Variants in DST observed in about 807,000 individuals in gnomAD.
DST encodes bullous pemphigoid antigen.
Under a neutral mutation model 875.2 loss-of-function variants are expected in DST, and 253 were observed. The ratio of observed to expected loss-of-function variants is 0.29; its 90% CI spans 0.26 to 0.32. The LOEUF is 0.32. Among genes scored for constraint, DST ranks in the 10% least tolerant of loss-of-function variants. The pLI is 1.00. For synonymous variants in DST, 3,124 were observed against 3,197.1 expected (o/e 0.98, Z 0.77); for missense variants, 8,287 against 9,111.6 (o/e 0.91, Z 3.68).
At chr6:56,486,679 T>A (rs1037295142) in intron 87 of DST, among the ~76,000 whole-genome samples, 2 of 152,104 alleles carry the variant, frequency 1.3e-5, no homozygotes, top group Non-Finnish European at 2.9e-5. Flanking sequence ...ACCTTGCACG[T>A]CACATTAAGA....
intron 90 of DST, among the ~76,000 whole-genome samples, chr6:56,478,985 C>G (rs920491169): frequency 2.0e-5 from 3 of 151,990 alleles, no homozygotes; most frequent in Non-Finnish European, 4.4e-5. Flanking sequence ...AACAGTTAAC[C>G]TACAGAATGG....
chr6:56,807,549 G>A (rs1389532582), intron 4 of DST, among the ~76,000 whole-genome samples: 1 of 152,134 alleles, frequency 6.6e-6, no homozygotes, highest in Non-Finnish European at 1.5e-5. Context: ...AAACACACGG[G>A]TCAATGGAAC....
chr6:56,640,091 A>C, intron 18 of DST, 34 bp from the exon 19 acceptor site: 1 of 1,613,814 alleles, frequency 6.2e-7, no homozygotes, highest in Non-Finnish European at 8.5e-7. Flanking sequence ...TTAAAAAAGA[A>C]ATTGATAACA....
At chr6:56,619,379 T>C in intron 36 of DST, 1 of 1,613,628 alleles carries the variant, frequency 6.2e-7, no homozygotes, top group Non-Finnish European at 8.5e-7. Flanking sequence ...GATTTTATCA[T>C]TATTTTCTTT....
chr6:56,481,407 T>C (rs748205815), intron 90 of DST, among the ~76,000 whole-genome samples: 7 of 152,226 alleles, frequency 4.6e-5, no homozygotes, highest in East Asian at 1.9e-4. Flanking sequence ...GCAAGTTTCA[T>C]GCATTGCCGC....
At chr6:56,687,784 TA>T (rs55759800) in intron 9 of DST, among the ~76,000 whole-genome samples, 24,043 of 140,562 alleles carry the variant, frequency 0.17, 2,225 homozygotes, top group Non-Finnish European at 0.24. Flanking sequence ...GCTTCCAAGT[TA>T]AAAAAAAAAA....
chr6:56,924,232 C>T (rs1056522174), intron 2 of DST, among the ~76,000 whole-genome samples: 2 of 152,100 alleles, frequency 1.3e-5, no homozygotes, highest in East Asian at 3.9e-4. Flanking sequence ...ATAGTGCTTG[C>T]CAAAATTCAT....
rs1554721700 is a variant in DST at position 56,763,724 on chromosome 6, C to CAT, written c.626-28437_626-28436dup. Among the ~76,000 whole-genome samples, 1,125 of 143,558 alleles carry CAT rather than the reference C, an allele frequency of 7.8e-3. 21 individuals are homozygous for CAT. The highest frequency in any genetic ancestry group is 0.027 in the African/African-American group (1,063 of 39,184). The allele number at this position is 143,558 out of a possible 152,430, so 94.2% of individuals were successfully genotyped here. Reference sequence around the variant, plus strand: ...ACACACACACACACACACACACACACATATAGGGATGGGTGGGGGTGGGGG... The same window carrying CAT: ...ACACACACACACACACACACACACACATATATAGGGATGGGTGGGGGTGGGGG... On this transcript the variant is annotated intron_variant, in intron 4 of 103. Transcript: ENST00000680361.
intron 49 of DST, among the ~76,000 whole-genome samples, chr6:56,588,827 G>A (rs1304781905): frequency 6.6e-6 from 1 of 152,086 alleles, no homozygotes; most frequent in Non-Finnish European, 1.5e-5. Flanking sequence ...ACCAACATAG[G>A]ATCTAGAATA....
rs776305444 is a variant in DST at position 56,629,267 on chromosome 6, A to G, written c.4458T>C (p.His1486=). 4 of 1,613,764 alleles carry G rather than the reference A, an allele frequency of 2.5e-6. No homozygotes were observed. The highest frequency in any genetic ancestry group is 2.2e-5 in the East Asian group (1 of 44,788). Reference sequence around the variant, plus strand: ...ATACTAACCTGTTGTCAATCTGCACATGAACATTTTGCCACCTTTCAACTA... The same window carrying G: ...ATACTAACCTGTTGTCAATCTGCACGTGAACATTTTGCCACCTTTCAACTA... ...DQLVERWQNV[H]VQIDNRLRDL... is the part of the protein sequence containing the mutation. Residue 1486 remains histidine (H), a synonymous_variant, in exon 32 of 104, where the codon CAT becomes CAC. Coordinates refer to ENST00000680361, the MANE Select transcript of DST (RefSeq NM_001374736.1).
chr6:56,608,919 G>A lies in DST; in HGVS notation c.5709C>T (p.Ser1903=). The A allele has an allele frequency of 6.2e-7, 1 of 1,613,756 alleles. No homozygotes were observed. Among genetic ancestry groups the A allele is most frequent in the East Asian group, 2.2e-5 (1 of 44,870 alleles). Residue 1903 remains serine (S), a synonymous_variant, in exon 40 of 104, where the codon TCC becomes TCT. Coordinates refer to ENST00000680361, the MANE Select transcript of DST (RefSeq NM_001374736.1). The part of the protein sequence containing the change: ...LQKAFQQNLV[S]SALFSKVLER... Reference sequence around the variant, plus strand: ...CCAGAACTTTAGAAAATAATGCTGAGGAAACCAAGTTCTGTTGGAAAGCCT... The same window carrying A: ...CCAGAACTTTAGAAAATAATGCTGAAGAAACCAAGTTCTGTTGGAAAGCCT...
intron 78 of DST, among the ~76,000 whole-genome samples, 187 bp from the exon 79 acceptor site, chr6:56,501,880 C>CT (rs1466384013): frequency 6.6e-6 from 1 of 152,024 alleles, no homozygotes; most frequent in Non-Finnish European, 1.5e-5. Context: ...AAAATATTTT[C>CT]TCTTTATTCA....
rs192210491 is a variant in DST, at chr6:56,602,112, T to A, written c.11308-436A>T. On this transcript the variant is annotated intron_variant, in intron 43 of 103. Transcript: ENST00000680361. ...AAATATGAATGAAATATGCCAGAAT[T>A]TCAGTTTTCTGACTCTCAGGCCAGA... The A allele has an allele frequency of 5.2e-4, 155 of 299,254 alleles. No homozygotes were observed. In the Admixed American group the frequency reaches 5.7e-3, roughly 11 times the overall value. 18.5% of individuals were successfully genotyped at this position (299,254 alleles called of 1,614,324 possible). A position where few individuals can be genotyped will look rare whatever the true frequency, so the allele number is the denominator to read the frequency against.
intron 9 of DST, among the ~76,000 whole-genome samples, chr6:56,685,133 T>G (rs1427112720): frequency 6.6e-6 from 1 of 152,146 alleles, no homozygotes; most frequent in Non-Finnish European, 1.5e-5. Flanking sequence ...CTTCAAAAAT[T>G]GGTTCCAGAC....
chr6:56,953,629 A>G (rs986253719), intron 2 of DST, among the ~76,000 whole-genome samples, 156 bp downstream of exon 2: 1 of 152,240 alleles, frequency 6.6e-6, no homozygotes, highest in Admixed American at 6.5e-5. Context: ...GGGCACTAAT[A>G]TGAAATCACT....
At chr6:56,893,233 T>C (rs544395263) in intron 3 of DST, among the ~76,000 whole-genome samples, 6 of 151,878 alleles carry the variant, frequency 4.0e-5, no homozygotes, top group African/African-American at 1.5e-4. Flanking sequence ...AGCTCCCACA[T>C]GTCAGTGAGA....
chr6:56,733,636 G>C (rs2099511040), intron 5 of DST, among the ~76,000 whole-genome samples: 1 of 152,138 alleles, frequency 6.6e-6, no homozygotes, highest in Non-Finnish European at 1.5e-5. Flanking sequence ...GACCTCAAAG[G>C]TGAGGCTTCT....
At chr6:56,871,854 A>G in intron 3 of DST, 1 of 274,828 alleles carries the variant, frequency 3.6e-6, no homozygotes, top group Non-Finnish European at 6.9e-6. Flanking sequence ...CAAGCCCACA[A>G]TGGGGTTAAC....
At chr6:56,484,227 G>C (rs1323824818) in intron 88 of DST, 1 of 152,146 alleles carries the variant, frequency 6.6e-6, no homozygotes, top group East Asian at 1.9e-4. Flanking sequence ...AAATAGAGAA[G>C]TTTGTATTAA....
Sources: gnomAD v4.1 joint callset for allele counts (sites outside exome capture counted in the v4.1 genomes callset) on GRCh38, gnomAD v4.1.1 for gene constraint, MANE v1.5 for transcripts, NCBI Gene and HGNC (gene_info 2026-07-23, HGNC 2026-07-21) for gene names.